Variants in NF1 observed in about 807,000 individuals in gnomAD.
The protein encoded by NF1 is neurofibromin 1.
In NF1, 122 loss-of-function variants were observed where a neutral mutation model predicts 325.7. The ratio of observed to expected loss-of-function variants is 0.37; its 90% CI spans 0.32 to 0.44. NF1 has a LOEUF of 0.44. Among genes scored for constraint, NF1 ranks in the 20% least tolerant of loss-of-function variants. NF1 has a pLI of 1.00. For missense variants in NF1, 2,140 were observed against 3,415.4 expected (o/e 0.63, Z 9.31); for synonymous variants, 1,091 against 1,186.0 (o/e 0.92, Z 1.65).
chr17:31,224,755 A>G (rs1485057906), intron 16 of NF1, among the ~76,000 whole-genome samples: 2 of 152,180 alleles, frequency 1.3e-5, no homozygotes, highest in East Asian at 3.8e-4. Context: ...ATAAAATCTT[A>G]TGGAAAAAAA....
At chr17:31,210,299 C>T (rs1009902042) in intron 12 of NF1, among the ~76,000 whole-genome samples, 3 of 152,112 alleles carry the variant, frequency 2.0e-5, no homozygotes, top group African/African-American at 7.2e-5. Context: ...AATCCTCGTA[C>T]AGGCCGGGCA....
chr17:31,365,276 CT>C (rs1567630656), intron 57 of NF1, among the ~76,000 whole-genome samples: 1 of 14,592 alleles, frequency 6.9e-5, no homozygotes. Context: ...GAGAACCTAT[CT>C]CAAAAAAAAA....
At chr17:31,113,142 G>A (rs1448560192) in intron 1 of NF1, among the ~76,000 whole-genome samples, 1 of 152,128 alleles carries the variant, frequency 6.6e-6, no homozygotes. Context: ...ATTCTGCTGA[G>A]TCCATGGATC....
intron 5 of NF1, 124 bp from the exon 6 acceptor site, chr17:31,181,298 C>T: frequency 1.1e-6 from 1 of 896,926 alleles, no homozygotes; most frequent in Non-Finnish European, 1.7e-6. Flanking sequence ...GGTGTCTTTA[C>T]CTTTCATTGC....
At chr17:31,233,819 G>A (rs546732825) in intron 27 of NF1, among the ~76,000 whole-genome samples, 1 of 152,236 alleles carries the variant, frequency 6.6e-6, no homozygotes, top group East Asian at 1.9e-4. Context: ...ACTGATTTCA[G>A]TTATAGTAAA....
At chr17:31,123,751 C>T (rs1334962758) in intron 1 of NF1, among the ~76,000 whole-genome samples, 1 of 152,174 alleles carries the variant, frequency 6.6e-6, no homozygotes, top group Non-Finnish European at 1.5e-5. Context: ...TTATAAACAA[C>T]AGAAACTTAC....
At chr17:31,157,711 G>T (rs2143637353) in intron 2 of NF1, among the ~76,000 whole-genome samples, 1 of 150,808 alleles carries the variant, frequency 6.6e-6, no homozygotes, top group South Asian at 2.1e-4. Flanking sequence ...TGTAATCCCA[G>T]CACTTTGGGA....
intron 36 of NF1, chr17:31,296,425 A>C: frequency 7.9e-7 from 1 of 1,265,060 alleles, no homozygotes. Flanking sequence ...CAAAATTTTC[A>C]ATAAACCTCG....
At chr17:31,136,653 T>C (rs1915807585) in intron 1 of NF1, 2 of 152,180 alleles carry the variant, frequency 1.3e-5, no homozygotes, top group South Asian at 4.1e-4. Context: ...ACTGTCATGA[T>C]ATTGTAGTGC....
At position 31,229,280 on chromosome 17, in the gene NF1, A is replaced by G. The variant is rs1314766383; in HGVS notation, c.2665A>G (p.Thr889Ala). 1 of 1,613,806 alleles carries G rather than the reference A, an allele frequency of 6.2e-7. No individual in the cohort carries two copies. Among genetic ancestry groups the G allele is most frequent in the Non-Finnish European group, 8.5e-7 (1 of 1,179,840 alleles). Residue 889 changes from threonine (T) to alanine (A), a missense_variant, in exon 21 of 58, where the codon ACA (threonine) becomes GCA (alanine). By Grantham distance (58) the Thr-to-Ala change is moderately conservative. Coordinates refer to ENST00000358273, the MANE Select transcript of NF1 (RefSeq NM_001042492.3). ...GATGTCTTCAGAGGGAAACGCAGATACACCTGTCAGCAAATTTATGGATCG... is the reference window on the plus strand; with the variant it reads ...GATGTCTTCAGAGGGAAACGCAGATGCACCTGTCAGCAAATTTATGGATCG... Reference protein sequence around the residue: ...SVMSSEGNADTPVSKFMDRLL... With the variant: ...SVMSSEGNADAPVSKFMDRLL...
chr17:31,141,601 A>C (rs1160432457), intron 1 of NF1, among the ~76,000 whole-genome samples: 1 of 152,176 alleles, frequency 6.6e-6, no homozygotes, highest in Non-Finnish European at 1.5e-5. Context: ...ACAATGTATT[A>C]GTTATCTATT....
At chr17:31,095,526 G>C in intron 1 of NF1, 157 bp downstream of exon 1, 3 of 682,358 alleles carry the variant, frequency 4.4e-6, no homozygotes, top group Non-Finnish European at 4.8e-6. Context: ...AAGTGGGGGT[G>C]GCCAAGGCGG....
At chr17:31,292,534 A>G (rs1490263892) in intron 36 of NF1, among the ~76,000 whole-genome samples, 3 of 152,022 alleles carry the variant, frequency 2.0e-5, no homozygotes, top group East Asian at 2.0e-4. Context: ...TGTGGAACCT[A>G]TTTATACAGT....
chr17:31,201,310 T>C, intron 10 of NF1, 101 bp from the exon 11 acceptor site: 1 of 1,474,596 alleles, frequency 6.8e-7, no homozygotes, highest in Middle Eastern at 2.0e-4. Flanking sequence ...ACTTAGTGTT[T>C]TTTTTTTAAA....
At chr17:31,146,099 C>T (rs772172457) in intron 1 of NF1, among the ~76,000 whole-genome samples, 3 of 152,166 alleles carry the variant, frequency 2.0e-5, no homozygotes, top group South Asian at 2.1e-4. Flanking sequence ...TTCTGTGGGT[C>T]GGAGTCAAGG....
chr17:31,241,805 A>G (rs1441927596), intron 29 of NF1, among the ~76,000 whole-genome samples: 2 of 152,164 alleles, frequency 1.3e-5, no homozygotes, highest in Non-Finnish European at 2.9e-5. Flanking sequence ...ACAGTGTTAT[A>G]ATATTTTGTG....
At chr17:31,129,385 C>G (rs1018781922) in intron 1 of NF1, among the ~76,000 whole-genome samples, 1 of 151,018 alleles carries the variant, frequency 6.6e-6, no homozygotes, top group Admixed American at 6.6e-5. Context: ...GAAAGCCAAT[C>G]TTCAAGCGCT....
At chr17:31,278,209 G>A (rs1257133155) in intron 36 of NF1, 1 of 152,114 alleles carries the variant, frequency 6.6e-6, no homozygotes, top group Non-Finnish European at 1.5e-5. Context: ...TTCCAGAACT[G>A]TCTTCCCTCA....
At chr17:31,232,661 G>A (rs912344311) in intron 25 of NF1, 39 bp from the exon 26 acceptor site, 23 of 1,585,332 alleles carry the variant, frequency 1.5e-5, no homozygotes, top group African/African-American at 5.4e-5. Flanking sequence ...TAGTTGATAC[G>A]GCCTTCACTA....
Sources: gnomAD v4.1 joint callset for allele counts (sites outside exome capture counted in the v4.1 genomes callset) on GRCh38, gnomAD v4.1.1 for gene constraint, MANE v1.5 for transcripts, NCBI Gene and HGNC (gene_info 2026-07-23, HGNC 2026-07-21) for gene names.